The following F10 variants were observed in gnomAD, a reference collection of about 807,000 sequenced individuals.
F10 encodes coagulation factor X.
F10 carries 29 observed loss-of-function variants against 37.1 expected under a neutral mutation model. The ratio of observed to expected loss-of-function variants is 0.78; its 90% confidence interval spans 0.58 to 1.07. The LOEUF is 1.07. Among genes scored for constraint, F10 ranks in the 50% least tolerant of loss-of-function variants. The pLI, the probability that F10 is intolerant of heterozygous loss-of-function variation, is 0.00. For synonymous variants in F10, 262 were observed against 268.6 expected (o/e 0.98, Z 0.24); for missense variants, 539 against 667.9 (o/e 0.81, Z 2.13).
In F10 at chr13:113,129,498, G is replaced by C. The variant is rs371972257; in HGVS notation, c.117G>C (p.Thr39=). 5 of 1,614,110 alleles carry C rather than the reference G, an allele frequency of 3.1e-6. No individual in the cohort carries two copies. The South Asian group carries it at 4.4e-5, about 14-fold the overall frequency. ...CCAACAACATCCTGGCGAGGGTCACGAGGGCCAATTCCTTTCTTGAAGAGA... is the reference window on the plus strand; with the variant it reads ...CCAACAACATCCTGGCGAGGGTCACCAGGGCCAATTCCTTTCTTGAAGAGA... The part of the protein sequence containing the change: ...EQANNILARV[T]RANSFLEEMK... The change falls in exon 2 of 8, where the codon ACG becomes ACC. Residue 39 remains threonine (T), a synonymous_variant. Coordinates refer to ENST00000375559, the MANE Select transcript of F10 (RefSeq NM_000504.4).
chr13:113,135,944 G>C (rs2036474760), intron 2 of F10, among the ~76,000 whole-genome samples: 1 of 152,116 alleles, frequency 6.6e-6, no homozygotes, highest in Non-Finnish European at 1.5e-5. Context: ...ACACTGTTAA[G>C]AGGATGAAAA....
rs986369602 is a variant in F10, at chr13:113,139,633, G to GA, written c.370+171dup. ...ATTATACTGTGCCACTATAGCAATAGAAAAAAAAGCCCCAATATGTCCCCC... is the reference window on the plus strand; with the variant it reads ...ATTATACTGTGCCACTATAGCAATAGAAAAAAAAAGCCCCAATATGTCCCCC... On this transcript the variant is annotated intron_variant, in intron 4 of 7. Coordinates refer to ENST00000375559, the MANE Select transcript of F10 (RefSeq NM_000504.4). The surrounding 1 kb of genome is among the most constrained non-coding windows in gnomAD (Gnocchi z 5.2). 5.3e-5 allele frequency among the ~76,000 whole-genome samples: 8 copies of GA among 151,712 alleles called. No homozygotes were observed. Among genetic ancestry groups the GA allele is most frequent in the East Asian group, 1.9e-4 (1 of 5,150 alleles).
chr13:113,130,139 G>A (rs2036417509), intron 2 of F10: 3 of 199,090 alleles, frequency 1.5e-5, no homozygotes, highest in Non-Finnish European at 3.1e-5. Flanking sequence ...GGCGAACCCG[G>A]CACTGCGCCT....
Position 113,140,919 on chromosome 13 carries a change from T to A in F10, c.371T>A (p.Phe124Tyr), listed in dbSNP as rs1295842948. ...EGFEGKNCEL[F>Y]TRKLCSLDNG... ...GAGCCAACGTGCCTCTCCTTTGCAG[T>A]CACACGGAAGCTCTGCAGCCTGGAC... The change falls in exon 5 of 8, where the codon TTC becomes TAC. Residue 124 changes from phenylalanine (F) to tyrosine (Y), a missense_variant and splice_region_variant. This residue lies in a region of F10 where 409 missense variants were observed against 547.9 expected (regional missense o/e 0.75). Coordinates refer to ENST00000375559, the MANE Select transcript of F10 (RefSeq NM_000504.4). 1.2e-6 allele frequency: 2 copies of A among 1,614,062 alleles called. No homozygotes were observed. The highest frequency in any genetic ancestry group is 2.2e-5 in the East Asian group (1 of 44,876).
chr13:113,138,935 T>C (rs1464025489), intron 3 of F10, among the ~76,000 whole-genome samples: 2 of 152,344 alleles, frequency 1.3e-5, no homozygotes, highest in South Asian at 2.1e-4. Flanking sequence ...GTGTAAATCC[T>C]CCAAGAAATG....
Position 113,149,165 on chromosome 13 carries a change from G to A in F10, c.1115G>A (p.Arg372Gln), listed in dbSNP as rs142699098. 1.9e-5 allele frequency: 30 copies of A among 1,612,826 alleles called. No individual in the cohort carries two copies. The highest frequency in any genetic ancestry group is 1.6e-4 in the Middle Eastern group (1 of 6,084). Residue 372 changes from arginine to glutamine, a missense_variant, in exon 8 of 8, where the codon CGG becomes CAG. Arg to Gln is a conservative substitution (Grantham distance 43). Coordinates refer to ENST00000375559, the MANE Select transcript of F10 (RefSeq NM_000504.4). This position sits in a 1 kb window ranked among gnomAD's most constrained non-coding sequence, Gnocchi z 7.5. ...TTCGGGCGCACCCACGAGAAGGGCC[G>A]GCAGTCCACCAGGCTCAAGATGCTG... ...SGFGRTHEKG[R>Q]QSTRLKMLEV...
In F10 at chr13:113,139,309, T is replaced by G. The variant is rs1320655236; in HGVS notation, c.257-48T>G. ...TAGCACAGCAAAACTGTTTCCATGA[T>G]GCCGGAAACAGCTTGCAGACTCCAG... On this transcript the variant is annotated intron_variant, in intron 3 of 7. Coordinates refer to ENST00000375559, the MANE Select transcript of F10 (RefSeq NM_000504.4). The surrounding 1 kb of genome is among the most constrained non-coding windows in gnomAD (Gnocchi z 5.2). 1 of 1,506,662 alleles carries G rather than the reference T, an allele frequency of 6.6e-7. No individual in the cohort carries two copies. The highest frequency in any genetic ancestry group is 9.2e-7 in the Non-Finnish European group (1 of 1,084,166). 93.3% of individuals were successfully genotyped at this position (1,506,662 alleles called of 1,614,324 possible). A position where few individuals can be genotyped will look rare whatever the true frequency, so the allele number is the denominator to read the frequency against.
At chr13:113,136,302 T>C (rs964121888) in intron 2 of F10, among the ~76,000 whole-genome samples, 3 of 152,090 alleles carry the variant, frequency 2.0e-5, no homozygotes, top group Non-Finnish European at 4.4e-5. Context: ...GCACGGCCAC[T>C]TTGAAAAGGA....
intron 6 of F10, 107 bp from the exon 7 acceptor site, chr13:113,147,272 G>A: frequency 2.6e-6 from 2 of 776,478 alleles, no homozygotes; most frequent in Non-Finnish European, 4.7e-6. Flanking sequence ...GAAGAGGACA[G>A]CTTGGCATGG....
chr13:113,137,372 G>A (rs1224538116), intron 2 of F10, among the ~76,000 whole-genome samples: 3 of 152,012 alleles, frequency 2.0e-5, no homozygotes, highest in Non-Finnish European at 1.5e-5. Flanking sequence ...GATGGCATGG[G>A]GTATTTGGGG....
intron 6 of F10, among the ~76,000 whole-genome samples, chr13:113,145,755 G>A (rs1038050218): frequency 1.2e-4 from 19 of 152,148 alleles, no homozygotes; most frequent in African/African-American, 4.6e-4. Flanking sequence ...AGCAAAAGGG[G>A]TTTCCCCTTA....
In F10 at chr13:113,122,839, C is replaced by T. The variant is rs909384773; in HGVS notation, c.-17C>T. The T allele has an allele frequency of 1.2e-6, 2 of 1,608,902 alleles. No homozygotes were observed. The highest frequency in any genetic ancestry group is 2.7e-5 in the African/African-American group (2 of 74,952). On this transcript the variant is annotated 5_prime_UTR_variant, in exon 1 of 8. Transcript: ENST00000375559. The stretch of plus-strand genomic sequence containing the variant: ...GCCTGTCCCAGTGAGGACAGGGACA[C>T]AGTACTCGGCCACACCATGGGGCGC...
rs1487261485 is a variant in F10, at chr13:113,142,661, C to T, written c.503-1190C>T. Among the ~76,000 whole-genome samples, 2 of 148,058 alleles carry T rather than the reference C, an allele frequency of 1.4e-5. 1 individual carries two copies. Among genetic ancestry groups the T allele is most frequent in the Non-Finnish European group, 3.0e-5 (2 of 66,090 alleles). ...AAAGTTCAGGCTGGGCAAGGTGGCT[C>T]ACGCCTGTAATCCCAGCACTTTGGG... On this transcript the variant is annotated intron_variant, in intron 5 of 7. Coordinates refer to ENST00000375559, the MANE Select transcript of F10 (RefSeq NM_000504.4).
rs550695161 is a variant in F10 at position 113,144,805 on chromosome 13, C to T, written c.747+710C>T. On this transcript the variant is annotated intron_variant, in intron 6 of 7. Transcript: ENST00000375559. This position sits in a 1 kb window ranked among gnomAD's most constrained non-coding sequence, Gnocchi z 6.4. ...CTCGGCTCACTGCAACCTCCACCTC[C>T]TGGGTTCAAGCGATTCTCATGCCTC... Among the ~76,000 whole-genome samples the T allele has an allele frequency of 1.1e-4, 16 of 152,248 alleles. No individual in the cohort carries two copies. The highest frequency in any genetic ancestry group is 6.2e-4 in the South Asian group (3 of 4,824).
At chr13:113,129,644 A>C (rs769635919) in intron 2 of F10, 32 bp downstream of exon 2, 5 of 1,613,306 alleles carry the variant, frequency 3.1e-6, no homozygotes, top group African/African-American at 2.7e-5. Flanking sequence ...GCTGTTGGTA[A>C]GGAGCTCAGG....
intron 1 of F10, chr13:113,128,202 G>T (rs1174354632): frequency 6.6e-6 from 1 of 152,356 alleles, no homozygotes; most frequent in South Asian, 2.1e-4. Flanking sequence ...CACGACCCAT[G>T]ACACAGCCTT....
chr13:113,136,347 C>A (rs2036477742), intron 2 of F10, among the ~76,000 whole-genome samples: 1 of 152,086 alleles, frequency 6.6e-6, no homozygotes, highest in African/African-American at 2.4e-5. Flanking sequence ...TATAAGGTTA[C>A]CACAGGACTC....
chr13:113,143,966 C>G lies in F10; in HGVS notation c.618C>G (p.Ala206=). 4 of 1,610,566 alleles carry G rather than the reference C, an allele frequency of 2.5e-6. No homozygotes were observed. Among genetic ancestry groups the G allele is most frequent in the Non-Finnish European group, 3.4e-6 (4 of 1,179,072 alleles). The part of the protein sequence containing the change: ...DSITWKPYDA[A]DLDPTENPFD... ...TCACATGGAAGCCATATGATGCAGC[C>G]GACCTGGACCCCACCGAGAACCCCT... The change falls in exon 6 of 8, where the codon GCC becomes GCG. Residue 206 remains alanine, a synonymous_variant. Coordinates refer to ENST00000375559, the MANE Select transcript of F10 (RefSeq NM_000504.4). This position sits in a 1 kb window ranked among gnomAD's most constrained non-coding sequence, Gnocchi z 6.8.
At chr13:113,137,104 G>A (rs2036486475) in intron 2 of F10, among the ~76,000 whole-genome samples, 1 of 152,178 alleles carries the variant, frequency 6.6e-6, no homozygotes, top group South Asian at 2.1e-4. Flanking sequence ...ATTCTTAATT[G>A]CCAAAAGCTG....
Sources: allele counts gnomAD v4.1 joint callset (sites outside exome capture counted in the v4.1 genomes callset), GRCh38; gene constraint gnomAD v4.1.1; regional missense constraint gnomAD v4.1.1; non-coding constraint Gnocchi (gnomAD v3.1); transcripts MANE v1.5; gene names NCBI Gene and HGNC (gene_info 2026-07-23, HGNC 2026-07-21).